The following SEC24B variants were observed in gnomAD, a reference collection of about 807,000 sequenced individuals.
SEC24B encodes the protein protein transport protein Sec24B.
SEC24B carries 45 observed loss-of-function variants against 142.8 expected under a neutral mutation model. That is an observed-to-expected ratio of 0.32 (90% confidence interval 0.25 to 0.40). SEC24B has a LOEUF of 0.40. Among genes scored for constraint, SEC24B ranks in the 10% least tolerant of loss-of-function variants. The pLI, the probability that SEC24B is intolerant of heterozygous loss-of-function variation, is 1.00. For synonymous variants in SEC24B, 574 were observed against 568.2 expected (o/e 1.01, Z -0.15); for missense variants, 1,409 against 1,526.8 (o/e 0.92, Z 1.29).
chr4:109,496,920 G>A (rs1173767453), intron 6 of SEC24B, among the ~76,000 whole-genome samples: 1 of 152,122 alleles, frequency 6.6e-6, no homozygotes, highest in African/African-American at 2.4e-5. Context: ...TTTATGATGA[G>A]AAAACCAGGT....
chr4:109,465,025 A>C (rs1269563690), intron 2 of SEC24B, among the ~76,000 whole-genome samples: 1 of 152,234 alleles, frequency 6.6e-6, no homozygotes, highest in Non-Finnish European at 1.5e-5. Context: ...TTAAGTCAGA[A>C]TTAAAAGCAC....
chr4:109,434,564 T>C (rs1298817248), intron 1 of SEC24B, among the ~76,000 whole-genome samples: 1 of 152,140 alleles, frequency 6.6e-6, no homozygotes, highest in African/African-American at 2.4e-5. Flanking sequence ...TGCACTCAAG[T>C]TTGTAGACAA....
intron 1 of SEC24B, among the ~76,000 whole-genome samples, chr4:109,448,101 A>G (rs765112420): frequency 6.6e-5 from 10 of 152,220 alleles, no homozygotes; most frequent in Non-Finnish European, 1.3e-4. Context: ...CACCTGGGTA[A>G]TCAAGAATCT....
intron 8 of SEC24B, among the ~76,000 whole-genome samples, chr4:109,510,627 A>G (rs1737217582): frequency 6.6e-6 from 1 of 152,232 alleles, no homozygotes; most frequent in African/African-American, 2.4e-5. Flanking sequence ...TTAGAGAGGA[A>G]AACTGCCTGT....
intron 14 of SEC24B, among the ~76,000 whole-genome samples, chr4:109,524,171 A>G (rs952780882): frequency 6.6e-6 from 1 of 151,936 alleles, no homozygotes; most frequent in Non-Finnish European, 1.5e-5. Flanking sequence ...AATATTCTCT[A>G]TCTGTCTGCC....
chr4:109,502,315 T>C (rs929505005), intron 6 of SEC24B, among the ~76,000 whole-genome samples: 3 of 152,226 alleles, frequency 2.0e-5, no homozygotes, highest in African/African-American at 7.2e-5. Context: ...ATCAGAGATT[T>C]TATGTAATAG....
chr4:109,516,686 A>C (rs1245256197), intron 11 of SEC24B, 46 bp downstream of exon 11: 5 of 1,089,640 alleles, frequency 4.6e-6, no homozygotes, highest in Non-Finnish European at 4.0e-6. Context: ...TATGTTATAT[A>C]TATAAATGTG....
chr4:109,510,470 A>G (rs1286029721), intron 8 of SEC24B, among the ~76,000 whole-genome samples: 1 of 152,234 alleles, frequency 6.6e-6, no homozygotes, highest in African/African-American at 2.4e-5. Flanking sequence ...CCCTGTGGAT[A>G]CAATAGCAAA....
intron 1 of SEC24B, among the ~76,000 whole-genome samples, chr4:109,446,704 T>G (rs1457999006): frequency 6.6e-6 from 1 of 152,200 alleles, no homozygotes; most frequent in Non-Finnish European, 1.5e-5. Context: ...AAAGACCTGT[T>G]TTTGTATTAT....
chr4:109,491,500 G>A (rs1305105503), intron 5 of SEC24B, 93 bp downstream of exon 5: 11 of 891,742 alleles, frequency 1.2e-5, no homozygotes, highest in South Asian at 3.5e-5. Context: ...ATAATAGCAG[G>A]CTATATTTTT....
At chr4:109,513,223 C>T (rs1340514077) in intron 9 of SEC24B, among the ~76,000 whole-genome samples, 1 of 151,358 alleles carries the variant, frequency 6.6e-6, no homozygotes, top group South Asian at 2.1e-4. Flanking sequence ...TCTTCCCCGC[C>T]TCAGCCTCCC....
chr4:109,482,936 CTATATATATA>C (rs775978447), intron 4 of SEC24B, among the ~76,000 whole-genome samples: 1,052 of 34,612 alleles, frequency 0.03, 46 homozygotes, highest in Admixed American at 0.043. Context: ...CAGGCTTGTA[CTATATATATA>C]TATATATATA....
chr4:109,436,881 A>C (rs1484588327), intron 1 of SEC24B, among the ~76,000 whole-genome samples: 1 of 152,204 alleles, frequency 6.6e-6, no homozygotes, highest in Non-Finnish European at 1.5e-5. Context: ...TGCCCTGTAC[A>C]TCTCTTTCAT....
intron 18 of SEC24B, among the ~76,000 whole-genome samples, chr4:109,529,908 A>G (rs143137134): frequency 6.6e-6 from 1 of 152,050 alleles, no homozygotes; most frequent in African/African-American, 2.4e-5. Flanking sequence ...TAATTTTTTT[A>G]TTTTTTGTAG....
At chr4:109,465,997 A>G (rs1287095418) in intron 2 of SEC24B, among the ~76,000 whole-genome samples, 2 of 152,156 alleles carry the variant, frequency 1.3e-5, no homozygotes, top group Non-Finnish European at 2.9e-5. Flanking sequence ...ATTGAAGTTC[A>G]GAGGTTGACA....
intron 22 of SEC24B, among the ~76,000 whole-genome samples, chr4:109,536,284 A>G (rs919450909): frequency 7.9e-5 from 12 of 152,246 alleles, no homozygotes; most frequent in Admixed American, 7.2e-4. Context: ...GTGGGACAGA[A>G]TAGAGTTCAG....
intron 22 of SEC24B, among the ~76,000 whole-genome samples, chr4:109,535,254 G>A (rs747742536): frequency 6.6e-6 from 1 of 151,524 alleles, no homozygotes; most frequent in Non-Finnish European, 1.5e-5. Flanking sequence ...TTAACTTTGG[G>A]TTTAAATTAT....
At chr4:109,515,078 C>T (rs935691580) in intron 10 of SEC24B, among the ~76,000 whole-genome samples, 4 of 151,740 alleles carry the variant, frequency 2.6e-5, no homozygotes, top group African/African-American at 9.7e-5. Context: ...TTCATATGGC[C>T]CTTGGTTAGC....
intron 10 of SEC24B, 113 bp downstream of exon 10, chr4:109,513,969 T>A: frequency 1.5e-6 from 1 of 645,716 alleles, no homozygotes; most frequent in Non-Finnish European, 2.7e-6. Flanking sequence ...TCATAATTTT[T>A]AAAAACAAAT....
Sources: gnomAD v4.1 joint callset for allele counts (sites outside exome capture counted in the v4.1 genomes callset) on GRCh38, gnomAD v4.1.1 for gene constraint, MANE v1.5 for transcripts, NCBI Gene and HGNC (gene_info 2026-07-23, HGNC 2026-07-21) for gene names.